Variants in COL24A1 observed in about 807,000 individuals in gnomAD.
COL24A1 encodes collagen alpha-1(XXIV) chain.
Under a neutral mutation model 253.9 loss-of-function variants are expected in COL24A1, and 224 were observed. That is an observed-to-expected ratio of 0.88 (90% CI 0.79 to 0.99). The LOEUF is 0.99. Among genes scored for constraint, COL24A1 ranks in the 50% least tolerant of loss-of-function variants. The pLI is 0.00. For missense variants in COL24A1, 2,131 were observed against 2,068.5 expected, an observed-to-expected ratio of 1.03 and a Z score of -0.59; for synonymous variants, 685 against 673.7, an observed-to-expected ratio of 1.02 and a Z score of -0.26.
In COL24A1 at chr1:85,947,225, C is replaced by T. The variant is rs568940841; in HGVS notation, c.2562+14024G>A. ...GGTCTTGACAAATACATGTAGAACT[C>T]AACTGATCCTAGTTGCTACCAGATT... On this transcript the variant is annotated intron_variant, in intron 24 of 59. Coordinates refer to ENST00000370571, the MANE Select transcript of COL24A1 (RefSeq NM_152890.7). Among the ~76,000 whole-genome samples the T allele has an allele frequency of 9.2e-5, 14 of 152,288 alleles. No homozygotes were observed. The South Asian group carries it at 1.5e-3, about 16-fold the overall frequency.
At position 85,907,156 on chromosome 1, in the gene COL24A1, T is replaced by TGG. The variant is rs576391147; in HGVS notation, c.2778+36_2778+37dup. 2.5e-3 allele frequency: 3,813 copies of TGG among 1,505,930 alleles called. 56 individuals carry two copies. The African/African-American group carries it at 0.041, about 16-fold the overall frequency. 93.3% of individuals were successfully genotyped at this position (1,505,930 alleles called of 1,614,324 possible). On this transcript the variant is annotated intron_variant, in intron 28 of 59. Transcript: ENST00000370571. ...TTTTCCACTATTTATGAAGTAATTT[T>TGG]GGGGGGGTTAATGTACTTTTTTCCT...
intron 21 of COL24A1, 65 bp from the exon 22 acceptor site, chr1:85,970,336 T>A (rs577386541): frequency 7.4e-7 from 1 of 1,344,832 alleles, no homozygotes; most frequent in African/African-American, 1.5e-5. Context: ...TGTAAACTCT[T>A]ATTTTCTCTA....
chr1:85,865,176 A>C (rs919442376), intron 37 of COL24A1, among the ~76,000 whole-genome samples: 2 of 151,352 alleles, frequency 1.3e-5, no homozygotes, highest in African/African-American at 2.4e-5. Flanking sequence ...AAAAAGTTTT[A>C]TTTCTTTCTC....
intron 3 of COL24A1, among the ~76,000 whole-genome samples, chr1:86,124,346 C>A (rs997525570): frequency 6.6e-6 from 1 of 151,124 alleles, no homozygotes; most frequent in African/African-American, 2.4e-5. Flanking sequence ...ATTCATTACA[C>A]AATAATCTCT....
chr1:86,001,119 G>C (rs1199193598), intron 19 of COL24A1, among the ~76,000 whole-genome samples: 1 of 148,596 alleles, frequency 6.7e-6, no homozygotes, highest in East Asian at 1.9e-4. Context: ...TCCATGAAAA[G>C]CTAAATGCAC....
intron 47 of COL24A1, among the ~76,000 whole-genome samples, chr1:85,803,724 C>T (rs1255937394): frequency 6.6e-6 from 1 of 152,028 alleles, no homozygotes; most frequent in Admixed American, 6.6e-5. Context: ...ATTAATCTTG[C>T]AACTTTGCTA....
chr1:85,903,854 C>T (rs746568459), intron 28 of COL24A1, among the ~76,000 whole-genome samples: 2 of 152,036 alleles, frequency 1.3e-5, no homozygotes, highest in Non-Finnish European at 2.9e-5. Flanking sequence ...TGAAACAAAA[C>T]GTTCTATTAA....
At chr1:85,835,291 C>A (rs541713208) in intron 43 of COL24A1, among the ~76,000 whole-genome samples, 35 of 152,110 alleles carry the variant, frequency 2.3e-4, no homozygotes, top group African/African-American at 8.4e-4. Context: ...ACCACCACAC[C>A]CAGATAATTT....
intron 7 of COL24A1, among the ~76,000 whole-genome samples, chr1:86,064,224 T>C (rs941464377): frequency 4.6e-5 from 7 of 152,108 alleles, no homozygotes. Context: ...CAAATCATTG[T>C]CATAACACCC....
chr1:85,886,536 G>T (rs922821380), intron 32 of COL24A1, among the ~76,000 whole-genome samples: 37 of 151,702 alleles, frequency 2.4e-4, no homozygotes, highest in South Asian at 6.2e-4. Context: ...GTGGTGGCAT[G>T]CACCTGTAGT....
chr1:85,773,403 G>A (rs922228061), intron 53 of COL24A1, among the ~76,000 whole-genome samples: 1 of 152,148 alleles, frequency 6.6e-6, no homozygotes, highest in East Asian at 1.9e-4. Context: ...CCAATTCTGT[G>A]AAGTAAGTCA....
At chr1:85,772,030 A>G (rs1270155905) in intron 53 of COL24A1, among the ~76,000 whole-genome samples, 1 of 140,724 alleles carries the variant, frequency 7.1e-6, no homozygotes, top group Admixed American at 7.6e-5. Flanking sequence ...ATTCCCACCT[A>G]TGAGTGAGAA....
At chr1:85,975,988 C>T (rs553616506) in intron 20 of COL24A1, among the ~76,000 whole-genome samples, 11 of 152,278 alleles carry the variant, frequency 7.2e-5, no homozygotes, top group Non-Finnish European at 1.5e-4. Context: ...CCAAGGGAAG[C>T]CATCCTTGAC....
intron 19 of COL24A1, among the ~76,000 whole-genome samples, chr1:86,003,546 G>C (rs1695637344): frequency 6.6e-6 from 1 of 152,088 alleles, no homozygotes; most frequent in Non-Finnish European, 1.5e-5. Context: ...ATTTATGGTT[G>C]GGTCAGCTTG....
At chr1:86,018,582 G>A (rs1159252178) in intron 18 of COL24A1, among the ~76,000 whole-genome samples, 2 of 152,184 alleles carry the variant, frequency 1.3e-5, no homozygotes, top group Non-Finnish European at 1.5e-5. Flanking sequence ...CAGAAAAGCT[G>A]ATTGACAATC....
At chr1:85,794,934 C>A (rs1043993292) in intron 47 of COL24A1, among the ~76,000 whole-genome samples, 2 of 152,112 alleles carry the variant, frequency 1.3e-5, no homozygotes, top group Non-Finnish European at 2.9e-5. Flanking sequence ...TTAAACCTAG[C>A]AGGAAAGTGT....
At chr1:85,754,899 G>C (rs1257117047) in intron 55 of COL24A1, among the ~76,000 whole-genome samples, 1 of 151,910 alleles carries the variant, frequency 6.6e-6, no homozygotes, top group Non-Finnish European at 1.5e-5. Flanking sequence ...AGAAAAGGGG[G>C]CACAAAGAAT....
chr1:86,050,413 A>T (rs1476793209), intron 10 of COL24A1, among the ~76,000 whole-genome samples: 1 of 152,188 alleles, frequency 6.6e-6, no homozygotes, highest in Non-Finnish European at 1.5e-5. Context: ...ATAAGCCCAA[A>T]TAATTTCCTT....
intron 31 of COL24A1, 115 bp from the exon 32 acceptor site, chr1:85,889,728 A>AT: frequency 1.3e-6 from 1 of 793,132 alleles, no homozygotes; most frequent in South Asian, 1.6e-5. Context: ...GTCTATTGCT[A>AT]TTCTTTTTTT....
Sources: gnomAD v4.1 joint callset for allele counts (sites outside exome capture counted in the v4.1 genomes callset) on GRCh38, gnomAD v4.1.1 for gene constraint, MANE v1.5 for transcripts, NCBI Gene and HGNC (gene_info 2026-07-23, HGNC 2026-07-21) for gene names.